The following AGBL4 variants were observed in gnomAD, a reference collection of about 807,000 sequenced individuals.
AGBL4 encodes cytosolic carboxypeptidase 6.
Under a neutral mutation model 66.4 loss-of-function variants are expected in AGBL4, and 58 were observed. That is an observed-to-expected ratio of 0.87 (90% CI 0.71 to 1.09). The LOEUF (loss-of-function observed/expected upper bound fraction) is 1.09. Among genes scored for constraint, AGBL4 ranks in the 50% least tolerant of loss-of-function variants. The probability of loss-of-function intolerance (pLI) is 0.00; values close to 1 mark genes in which losing one functional copy is unlikely to be tolerated. For missense variants in AGBL4, 579 were observed against 631.0 expected (o/e 0.92, Z 0.88); for synonymous variants, 234 against 222.9 (o/e 1.05, Z -0.44).
intron 5 of AGBL4, among the ~76,000 whole-genome samples, chr1:48,889,016 A>ACAAGCTT (rs1429077442): frequency 6.6e-6 from 1 of 152,176 alleles, no homozygotes; most frequent in African/African-American, 2.4e-5. Flanking sequence ...CCAACTTTCA[A>ACAAGCTT]CAAAGAAGCT....
chr1:49,974,664 G>T (rs1368168543), intron 1 of AGBL4, among the ~76,000 whole-genome samples: 3 of 151,976 alleles, frequency 2.0e-5, no homozygotes, highest in Non-Finnish European at 4.4e-5. Context: ...TCTTTTTCTA[G>T]AAATGATTTT....
chr1:49,098,751 C>T (rs909474720), intron 4 of AGBL4, among the ~76,000 whole-genome samples: 1 of 152,164 alleles, frequency 6.6e-6, no homozygotes, highest in Non-Finnish European at 1.5e-5. Flanking sequence ...CAGCAGGAAG[C>T]CTTCTCTTTA....
chr1:48,911,207 T>A (rs1184192128), intron 5 of AGBL4, among the ~76,000 whole-genome samples: 2 of 152,234 alleles, frequency 1.3e-5, no homozygotes, highest in Non-Finnish European at 2.9e-5. Context: ...GCACTGGGAC[T>A]GAAAGAAGAA....
At chr1:49,822,549 C>T (rs1258094775) in intron 2 of AGBL4, among the ~76,000 whole-genome samples, 2 of 152,082 alleles carry the variant, frequency 1.3e-5, no homozygotes, top group Non-Finnish European at 2.9e-5. Flanking sequence ...GTCTTGAGCT[C>T]CTGACCTCAG....
Position 49,957,386 on chromosome 1 carries a change from A to G in AGBL4, c.34+66377T>C, listed in dbSNP as rs550344768. Reference sequence around the variant, plus strand: ...GATGTCTATTAGGTCTGCTTGGTGCAGAGCTGAGTTCAATTCCTGGGTATC... The same window carrying G: ...GATGTCTATTAGGTCTGCTTGGTGCGGAGCTGAGTTCAATTCCTGGGTATC... On this transcript the variant is annotated intron_variant, in intron 1 of 13. Coordinates refer to ENST00000371839, the MANE Select transcript of AGBL4 (RefSeq NM_032785.4). 1.6e-3 allele frequency among the ~76,000 whole-genome samples: 237 copies of G among 152,060 alleles called. 2 individuals are homozygous for G. Among genetic ancestry groups the G allele is most frequent in the Non-Finnish European group, 2.4e-3 (165 of 67,948 alleles).
At chr1:48,942,552 A>C (rs1431550722) in intron 5 of AGBL4, among the ~76,000 whole-genome samples, 3 of 152,216 alleles carry the variant, frequency 2.0e-5, no homozygotes, top group African/African-American at 2.4e-5. Context: ...GCAGATGCTC[A>C]AAAATGTCAG....
chr1:49,236,059 T>C (rs189582803), intron 4 of AGBL4, among the ~76,000 whole-genome samples: 9 of 152,160 alleles, frequency 5.9e-5, no homozygotes, highest in Admixed American at 5.9e-4. Flanking sequence ...AGATGGAGTC[T>C]CACTCTGTCA....
At chr1:49,949,741 T>C (rs574813300) in intron 1 of AGBL4, among the ~76,000 whole-genome samples, 15 of 151,786 alleles carry the variant, frequency 9.9e-5, no homozygotes, top group African/African-American at 3.1e-4. Flanking sequence ...GGAACACTTC[T>C]ACACTGCTGG....
intron 6 of AGBL4, among the ~76,000 whole-genome samples, chr1:48,694,183 G>A (rs77008557): frequency 0.022 from 3,334 of 151,890 alleles, 139 homozygotes; most frequent in African/African-American, 0.077. Context: ...GTGCACAAAC[G>A]AGCGTACCTC....
chr1:48,985,855 A>C (rs1050929540), intron 5 of AGBL4, among the ~76,000 whole-genome samples: 2 of 152,284 alleles, frequency 1.3e-5, no homozygotes, highest in South Asian at 4.1e-4. Context: ...GAAAATAGTC[A>C]TATCAAAATG....
chr1:48,651,844 T>C (rs986161640), intron 8 of AGBL4, among the ~76,000 whole-genome samples: 2 of 152,186 alleles, frequency 1.3e-5, no homozygotes, highest in Non-Finnish European at 1.5e-5. Flanking sequence ...GTAAGTACTA[T>C]TTCATCTCTG....
At position 49,335,308 on chromosome 1, in the gene AGBL4, T is replaced by C. The variant is rs543201051; in HGVS notation, c.283-89444A>G. Among the ~76,000 whole-genome samples, 5 of 152,302 alleles carry C rather than the reference T, an allele frequency of 3.3e-5. No individual in the cohort carries two copies. The South Asian group carries it at 1.0e-3, about 32-fold the overall frequency. On this transcript the variant is annotated intron_variant, in intron 3 of 13. Transcript: ENST00000371839. The stretch of plus-strand genomic sequence containing the variant: ...AATATATTCAAAACCTGTTCACTTC[T>C]ATTATTATCACTCTTATCCAAGCTA...
At position 48,616,283 on chromosome 1, in the gene AGBL4, GT is replaced by G. The variant is rs368935031; in HGVS notation, c.951+18209del. ...TGCATTAAAATTTGAGACGCACCAGGTTACACCATGCCCTCAGATTCCAGGA... is the reference window on the plus strand; with the variant it reads ...TGCATTAAAATTTGAGACGCACCAGGTACACCATGCCCTCAGATTCCAGGA... On this transcript the variant is annotated intron_variant, in intron 9 of 13. Coordinates refer to ENST00000371839, the MANE Select transcript of AGBL4 (RefSeq NM_032785.4). Among the ~76,000 whole-genome samples the G allele has an allele frequency of 6.5e-3, 986 of 152,234 alleles. 16 individuals are homozygous for G. Among genetic ancestry groups the G allele is most frequent in the African/African-American group, 0.022 (929 of 41,544 alleles).
In AGBL4 at chr1:49,697,390, A is replaced by G; in HGVS notation, c.205T>C (p.Phe69Leu). 5 of 1,546,448 alleles carry G rather than the reference A, an allele frequency of 3.2e-6. No individual in the cohort carries two copies. The highest frequency in any genetic ancestry group is 4.4e-6 in the Non-Finnish European group (5 of 1,142,998). ...GGATTACAGGTGTCCGGCCTAATGA[A>G]CAGATCATACTCAAACTCAGAGACC... is the stretch of plus-strand genomic sequence containing the variant. ...DQVSEFEYDL[F>L]IRPDTCNPRF... The change falls in exon 3 of 14, where the codon TTC (phenylalanine) becomes CTC (leucine). Residue 69 changes from phenylalanine to leucine, a missense_variant. Phe to Leu is a conservative substitution (Grantham distance 22). Coordinates refer to ENST00000371839, the MANE Select transcript of AGBL4 (RefSeq NM_032785.4).
At position 48,545,080 on chromosome 1, in the gene AGBL4, G is replaced by GATGA. The variant is rs532124683; in HGVS notation, c.1268-5346_1268-5343dup. On this transcript the variant is annotated intron_variant, in intron 11 of 13. Coordinates refer to ENST00000371839, the MANE Select transcript of AGBL4 (RefSeq NM_032785.4). ...TAGTTGATGAATAACATAGGGGTTG[G>GATGA]ATGAATGAATGAATGAATGAGGAAG... 2.7e-3 allele frequency among the ~76,000 whole-genome samples: 418 copies of GATGA among 152,246 alleles called. 3 individuals are homozygous for GATGA. Among genetic ancestry groups the GATGA allele is most frequent in the African/African-American group, 9.2e-3 (381 of 41,554 alleles).
intron 1 of AGBL4, among the ~76,000 whole-genome samples, chr1:49,948,271 CATATAAATAT>C (rs1397593684): frequency 0.016 from 1,410 of 85,850 alleles, 37 homozygotes; most frequent in African/African-American, 0.076. Flanking sequence ...TAAATAAATA[CATATAAATAT>C]ATATAAATAT....
intron 1 of AGBL4, among the ~76,000 whole-genome samples, chr1:49,950,112 G>GTGTATA (rs1656001533): frequency 1.5e-5 from 2 of 132,102 alleles, no homozygotes; most frequent in African/African-American, 2.8e-5. Flanking sequence ...ATATACATAT[G>GTGTATA]TATATACACA....
chr1:49,925,289 TGAA>T (rs747493178), intron 1 of AGBL4, among the ~76,000 whole-genome samples: 45 of 151,968 alleles, frequency 3.0e-4, no homozygotes, highest in Admixed American at 6.5e-4. Flanking sequence ...TGCCCTAGGC[TGAA>T]GAAGAGCCTT....
intron 3 of AGBL4, among the ~76,000 whole-genome samples, chr1:49,286,737 T>C (rs1223305814): frequency 2.6e-5 from 4 of 151,822 alleles, no homozygotes; most frequent in African/African-American, 9.7e-5. Context: ...GGAAGAACAT[T>C]CCATGCTCAT....
Sources: gnomAD v4.1 joint callset for allele counts (sites outside exome capture counted in the v4.1 genomes callset) on GRCh38, gnomAD v4.1.1 for gene constraint, MANE v1.5 for transcripts, NCBI Gene and HGNC (gene_info 2026-07-23, HGNC 2026-07-21) for gene names.